LOXHD1: variants seen among roughly 807,000 people sequenced by gnomAD.
The protein encoded by LOXHD1 is lipoxygenase homology domain-containing protein 1.
Under a neutral mutation model 248.2 loss-of-function variants are expected in LOXHD1, and 205 were observed. The ratio of observed to expected loss-of-function variants is 0.83; its 90% confidence interval spans 0.74 to 0.93. The LOEUF (loss-of-function observed/expected upper bound fraction) is 0.93. Ranked by LOEUF, LOXHD1 falls within the 40% of genes least tolerant of loss-of-function variation. The pLI, the probability that LOXHD1 is intolerant of heterozygous loss-of-function variation, is 0.00. For synonymous variants in LOXHD1, 1,113 were observed against 1,162.8 expected (o/e 0.96, Z 0.87); for missense variants, 2,930 against 2,971.6 (o/e 0.99, Z 0.33).
chr18:46,561,573 C>A (rs1396872776), intron 18 of LOXHD1, among the ~76,000 whole-genome samples: 2 of 152,218 alleles, frequency 1.3e-5, no homozygotes, highest in East Asian at 3.8e-4. Flanking sequence ...CCCACCAGTT[C>A]TTTCACTGAG....
intron 4 of LOXHD1, among the ~76,000 whole-genome samples, chr18:46,631,139 CA>C (rs1029381134): frequency 4.6e-5 from 7 of 152,198 alleles, no homozygotes; most frequent in Non-Finnish European, 1.0e-4. Context: ...GCCAAGGTAG[CA>C]GCTGTGAGTA....
intron 40 of LOXHD1, 89 bp downstream of exon 40, chr18:46,483,498 C>CAT: frequency 6.8e-7 from 1 of 1,479,186 alleles, no homozygotes; most frequent in Non-Finnish European, 9.2e-7. Context: ...GAGACCTCAT[C>CAT]ATACCCTGCT....
In LOXHD1 at chr18:46,601,436, C is replaced by G. The variant is rs747633990; in HGVS notation, c.915G>C (p.Gly305=). ...AITYIVTVFT[G]DVRGAGTKSK... is the part of the protein sequence containing the mutation. ...ATTTGGTACCAGCCCCCCGGACATC[C>G]CCAGTGAAGACGGTGACAATATACG... The change falls in exon 8 of 41, where the codon GGG becomes GGC. Residue 305 remains glycine, a synonymous_variant. Coordinates refer to ENST00000642948, the MANE Select transcript of LOXHD1 (RefSeq NM_001384474.1). The G allele has an allele frequency of 3.2e-6, 5 of 1,551,614 alleles. No homozygotes were observed. The highest frequency in any genetic ancestry group is 3.5e-6 in the Non-Finnish European group (4 of 1,147,022).
At chr18:46,533,947 A>G (rs186696733) in intron 27 of LOXHD1, among the ~76,000 whole-genome samples, 163 of 152,276 alleles carry the variant, frequency 1.1e-3, no homozygotes, top group Non-Finnish European at 2.0e-3. Flanking sequence ...CTTCATTCAT[A>G]TCCATAGCTA....
chr18:46,507,859 G>A (rs1401213065), intron 35 of LOXHD1, 147 bp from the exon 36 acceptor site: 1 of 795,836 alleles, frequency 1.3e-6, no homozygotes, highest in Non-Finnish European at 1.9e-6. Context: ...ACGGGGTGTG[G>A]AAAGGGCCCT....
intron 21 of LOXHD1, among the ~76,000 whole-genome samples, chr18:46,549,854 G>A (rs969415195): frequency 2.6e-5 from 4 of 152,180 alleles, no homozygotes; most frequent in Non-Finnish European, 4.4e-5. Context: ...TCAGGGCTGG[G>A]AACAGAGGTA....
chr18:46,478,061 T>C, intron 40 of LOXHD1, 109 bp from the exon 41 acceptor site: 1 of 1,358,444 alleles, frequency 7.4e-7, no homozygotes, highest in Non-Finnish European at 9.9e-7. Flanking sequence ...CTTCCCAAGG[T>C]GATGGGATAT....
At chr18:46,563,601 C>G (rs1045963460) in intron 17 of LOXHD1, among the ~76,000 whole-genome samples, 1 of 152,140 alleles carries the variant, frequency 6.6e-6, no homozygotes, top group Non-Finnish European at 1.5e-5. Context: ...ATGTCATTGC[C>G]ATTGTAACCG....
intron 34 of LOXHD1, among the ~76,000 whole-genome samples, chr18:46,516,941 C>T (rs760403085): frequency 6.6e-6 from 1 of 152,236 alleles, no homozygotes; most frequent in East Asian, 1.9e-4. Context: ...TATCACCATC[C>T]TCACTTATCA....
chr18:46,479,529 G>A (rs1008673583), intron 40 of LOXHD1, among the ~76,000 whole-genome samples: 9 of 152,076 alleles, frequency 5.9e-5, no homozygotes, highest in Non-Finnish European at 8.8e-5. Flanking sequence ...CCTACCATCT[G>A]TGTGACCTTG....
At chr18:46,588,884 A>C (rs997223420) in intron 12 of LOXHD1, among the ~76,000 whole-genome samples, 2 of 152,134 alleles carry the variant, frequency 1.3e-5, no homozygotes, top group Non-Finnish European at 2.9e-5. Context: ...ACAGGAGGTC[A>C]AGGGTGAGGT....
Position 46,560,482 on chromosome 18 carries a change from C to T in LOXHD1, c.2662G>A (p.Gly888Arg). ...ACGGTGTCCACGAACCAGCTGGGCC[C>T]AAAGCCCTCGCCCGTGTGCCCGAGC... ...LRLGHTGEGF[G>R]PSWFVDTVWL... Residue 888 changes from glycine to arginine, a missense_variant, in exon 19 of 41, where the codon GGG becomes AGG. By Grantham distance (125) the Gly-to-Arg change is moderately radical. Transcript: ENST00000642948. 1.3e-6 allele frequency: 2 copies of T among 1,539,526 alleles called. No individual in the cohort carries two copies. Among genetic ancestry groups the T allele is most frequent in the Non-Finnish European group, 8.7e-7 (1 of 1,146,864 alleles).
intron 1 of LOXHD1, among the ~76,000 whole-genome samples, chr18:46,654,391 G>C (rs1280883483): frequency 6.6e-6 from 1 of 152,242 alleles, no homozygotes; most frequent in African/African-American, 2.4e-5. Context: ...GGATGCAGGA[G>C]AGGAGATGCC....
At chr18:46,585,937 T>C (rs1397241494) in intron 12 of LOXHD1, among the ~76,000 whole-genome samples, 1 of 152,210 alleles carries the variant, frequency 6.6e-6, no homozygotes, top group Non-Finnish European at 1.5e-5. Context: ...ACTGAAAATA[T>C]GTCTGCATAA....
chr18:46,590,736 TG>T (rs761649437), intron 12 of LOXHD1, among the ~76,000 whole-genome samples: 9 of 152,202 alleles, frequency 5.9e-5, no homozygotes, highest in Non-Finnish European at 1.2e-4. Flanking sequence ...GTATAGCCAC[TG>T]AACCAGGAAG....
chr18:46,501,475 G>A (rs1269993899), intron 37 of LOXHD1, among the ~76,000 whole-genome samples: 2 of 152,168 alleles, frequency 1.3e-5, no homozygotes, highest in Non-Finnish European at 1.5e-5. Context: ...ATGCAAGAAG[G>A]CTGTAACGTG....
rs1221871316 is a variant in LOXHD1, at chr18:46,629,919, AGTT to A, written c.511+9694_511+9696del. On this transcript the variant is annotated intron_variant, in intron 4 of 40. Transcript: ENST00000642948. Reference sequence around the variant, plus strand: ...TGCATGCGCCCAGCCCACCTGCCCAAGTTGTTGTTTCTTCTTATGGCTTCCCTT... The same window carrying A: ...TGCATGCGCCCAGCCCACCTGCCCAAGTTGTTTCTTCTTATGGCTTCCCTT... Among the ~76,000 whole-genome samples the A allele has an allele frequency of 3.3e-5, 5 of 151,956 alleles. No homozygotes were observed. The East Asian group carries it at 9.6e-4, about 29-fold the overall frequency.
At chr18:46,520,599 A>G (rs772060112) in intron 33 of LOXHD1, 3 of 289,978 alleles carry the variant, frequency 1.0e-5, no homozygotes, top group African/African-American at 2.2e-5. Context: ...AGGCTTTTTC[A>G]GTTAAGGAGG....
intron 14 of LOXHD1, among the ~76,000 whole-genome samples, chr18:46,575,644 C>T (rs780679797): frequency 1.2e-4 from 19 of 152,084 alleles, no homozygotes; most frequent in Non-Finnish European, 2.4e-4. Context: ...GACATAGGCC[C>T]GGGTCAGATC....
Sources: gnomAD v4.1 joint callset for allele counts (sites outside exome capture counted in the v4.1 genomes callset) on GRCh38, gnomAD v4.1.1 for gene constraint, MANE v1.5 for transcripts, NCBI Gene and HGNC (gene_info 2026-07-23, HGNC 2026-07-21) for gene names.